ZFPM2: variants seen among roughly 807,000 people sequenced by gnomAD.
The protein encoded by ZFPM2 is zinc finger protein ZFPM2.
ZFPM2 carries 20 observed loss-of-function variants against 98.6 expected under a neutral mutation model. That is an observed-to-expected ratio of 0.20 (90% CI 0.14 to 0.29). The LOEUF (loss-of-function observed/expected upper bound fraction) is 0.29. ZFPM2 is among the 10% of genes least tolerant of loss of function. The probability of loss-of-function intolerance (pLI) is 1.00; values close to 1 mark genes in which losing one functional copy is unlikely to be tolerated. For synonymous variants in ZFPM2, 518 were observed against 502.7 expected (o/e 1.03, Z -0.41); for missense variants, 1,310 against 1,388.6 (o/e 0.94, Z 0.90).
intron 5 of ZFPM2, among the ~76,000 whole-genome samples, chr8:105,648,723 T>C (rs1326985029): frequency 6.6e-6 from 1 of 152,230 alleles, no homozygotes. Context: ...CTCTGTTCTG[T>C]TCCATTGGTC....
At chr8:105,715,817 A>C (rs1057215108) in intron 5 of ZFPM2, among the ~76,000 whole-genome samples, 9 of 152,046 alleles carry the variant, frequency 5.9e-5, no homozygotes, top group African/African-American at 2.2e-4. Context: ...AGCATTGTAG[A>C]TTCTTGGACT....
rs1814131633 is a variant in ZFPM2 at position 105,804,120 on chromosome 8, T to C, written c.*582T>C. The C allele has an allele frequency of 6.5e-6, 1 of 152,850 alleles. No homozygotes were observed. 9.5% of individuals were successfully genotyped at this position (152,850 alleles called of 1,614,324 possible). On this transcript the variant is annotated 3_prime_UTR_variant, in exon 8 of 8. Coordinates refer to ENST00000407775, the MANE Select transcript of ZFPM2 (RefSeq NM_012082.4). ...TAGGCTTTGCATTTGTATGTAGCTG[T>C]ATGTTTCCGTCCATTTTCTTAATCC... is the stretch of plus-strand genomic sequence containing the variant.
chr8:105,570,529 T>C (rs1316384588), intron 4 of ZFPM2, among the ~76,000 whole-genome samples: 2 of 152,206 alleles, frequency 1.3e-5, no homozygotes, highest in Non-Finnish European at 2.9e-5. Flanking sequence ...AATGCAGATA[T>C]AGTTATGATG....
At chr8:105,423,796 A>G (rs982255037) in intron 2 of ZFPM2, among the ~76,000 whole-genome samples, 10 of 152,206 alleles carry the variant, frequency 6.6e-5, no homozygotes, top group African/African-American at 2.2e-4. Context: ...GGGAATGCCT[A>G]TATATGAGCA....
At chr8:105,593,642 T>C (rs62527241) in intron 4 of ZFPM2, among the ~76,000 whole-genome samples, 24,936 of 149,392 alleles carry the variant, frequency 0.17, 2,349 homozygotes, top group Middle Eastern at 0.23. Context: ...CAGTGAGTAT[T>C]CCATTCCAAG....
chr8:105,373,477 A>AGAG (rs1243638905), intron 1 of ZFPM2, among the ~76,000 whole-genome samples: 2 of 152,164 alleles, frequency 1.3e-5, no homozygotes, highest in Non-Finnish European at 2.9e-5. Flanking sequence ...CATCTGATGG[A>AGAG]GAGTAGTCTT....
At chr8:105,749,361 G>T (rs1175111673) in intron 5 of ZFPM2, among the ~76,000 whole-genome samples, 1 of 152,040 alleles carries the variant, frequency 6.6e-6, no homozygotes, top group Non-Finnish European at 1.5e-5. Context: ...AGCAGAGAAA[G>T]ATTTCTTTAA....
chr8:105,534,045 TTCCTC>T, intron 3 of ZFPM2, among the ~76,000 whole-genome samples: 2 of 36,660 alleles, frequency 5.5e-5, no homozygotes, highest in African/African-American at 2.5e-4. Flanking sequence ...CCTCCCTCCC[TTCCTC>T]CCTTCCTCCC....
At chr8:105,659,802 G>C (rs1283832217) in intron 5 of ZFPM2, among the ~76,000 whole-genome samples, 1 of 152,098 alleles carries the variant, frequency 6.6e-6, no homozygotes, top group African/African-American at 2.4e-5. Flanking sequence ...TTTTACATGA[G>C]TTTGCAATTA....
intron 2 of ZFPM2, among the ~76,000 whole-genome samples, chr8:105,429,660 T>G (rs1811981587): frequency 6.7e-6 from 1 of 148,722 alleles, no homozygotes; most frequent in East Asian, 2.0e-4. Context: ...ACAATAACTT[T>G]TAACGAGAAA....
At chr8:105,528,430 G>A (rs1413663861) in intron 3 of ZFPM2, among the ~76,000 whole-genome samples, 1 of 152,108 alleles carries the variant, frequency 6.6e-6, no homozygotes, top group Admixed American at 6.6e-5. Flanking sequence ...AGGGGAAAAA[G>A]GGAGAAAGGG....
intron 3 of ZFPM2, among the ~76,000 whole-genome samples, chr8:105,497,526 A>G (rs1813499305): frequency 6.6e-6 from 1 of 152,202 alleles, no homozygotes; most frequent in Admixed American, 6.5e-5. Flanking sequence ...ATTTAGACAT[A>G]TGGTGCTGAG....
rs553503036 is a variant in ZFPM2 at position 105,673,106 on chromosome 8, T to C, written c.532+38749T>C. Among the ~76,000 whole-genome samples the C allele has an allele frequency of 5.3e-5, 8 of 151,944 alleles. No individual in the cohort carries two copies. In the East Asian group the frequency reaches 1.4e-3, roughly 26 times the overall value. On this transcript the variant is annotated intron_variant, in intron 5 of 7. Coordinates refer to ENST00000407775, the MANE Select transcript of ZFPM2 (RefSeq NM_012082.4). ...TAAGGGAGAGAAGTGAACGAGAGAT[T>C]GGAAGAGGAAAATTTGTGCCAGGGA...
chr8:105,343,462 T>A (rs552949174), intron 1 of ZFPM2, among the ~76,000 whole-genome samples: 2 of 152,266 alleles, frequency 1.3e-5, no homozygotes, highest in South Asian at 2.1e-4. Flanking sequence ...CTGGGTTTTT[T>A]AATGAGAGCT....
At chr8:105,724,193 A>T (rs1448910224) in intron 5 of ZFPM2, among the ~76,000 whole-genome samples, 1 of 151,890 alleles carries the variant, frequency 6.6e-6, no homozygotes, top group African/African-American at 2.4e-5. Context: ...GAGCTAAAAA[A>T]GTATTTCACA....
At chr8:105,609,109 C>T (rs1183731503) in intron 4 of ZFPM2, among the ~76,000 whole-genome samples, 4 of 151,906 alleles carry the variant, frequency 2.6e-5, no homozygotes, top group Non-Finnish European at 4.4e-5. Flanking sequence ...AATGGCACAG[C>T]ACAATTATAT....
chr8:105,730,706 A>C (rs1355745075), intron 5 of ZFPM2, among the ~76,000 whole-genome samples: 1 of 151,496 alleles, frequency 6.6e-6, no homozygotes, highest in Non-Finnish European at 1.5e-5. Context: ...TAAAGGCCTG[A>C]AGGAAACCGT....
In ZFPM2 at chr8:105,380,647, A is replaced by ATATATATATTATATATAACATATATAT. The variant is rs1554599599; in HGVS notation, c.41-38488_41-38487insTATATATAACATATATATTATATATAT. 5.0e-3 allele frequency among the ~76,000 whole-genome samples: 69 copies of ATATATATATTATATATAACATATATAT among 13,898 alleles called. 1 individual carries two copies. Among genetic ancestry groups the ATATATATATTATATATAACATATATAT allele is most frequent in the Middle Eastern group, 0.033 (1 of 30 alleles). The allele number at this position is 13,898 out of a possible 152,430, so 9.1% of individuals were successfully genotyped here. On this transcript the variant is annotated intron_variant, in intron 1 of 7. Transcript: ENST00000407775. ...ATAACATATATATTATATATATATTATATATATATATTATATATAACATAT... is the reference window on the plus strand; with the variant it reads ...ATAACATATATATTATATATATATTATATATATATTATATATAACATATATATTATATATATATTATATATAACATAT...
chr8:105,421,692 A>G (rs1042751981), intron 2 of ZFPM2, among the ~76,000 whole-genome samples: 5 of 152,126 alleles, frequency 3.3e-5, no homozygotes, highest in Non-Finnish European at 5.9e-5. Flanking sequence ...GAAATTCTCA[A>G]TTTTTCTCAG....
Sources: allele counts gnomAD v4.1 joint callset (sites outside exome capture counted in the v4.1 genomes callset), GRCh38; gene constraint gnomAD v4.1.1; transcripts MANE v1.5; gene names NCBI Gene and HGNC (gene_info 2026-07-23, HGNC 2026-07-21).